FKBP14: variants seen among roughly 807,000 people sequenced by gnomAD.
FKBP14 encodes peptidyl-prolyl cis-trans isomerase FKBP14.
Under a neutral mutation model 21.6 loss-of-function variants are expected in FKBP14, and 20 were observed. The observed-to-expected ratio is 0.92, with a 90% CI of 0.65 to 1.34. The LOEUF is 1.34. FKBP14 is among the 40% of genes most tolerant of loss of function. FKBP14 has a pLI of 0.00. For missense variants in FKBP14, 253 were observed against 249.0 expected (o/e 1.02, Z -0.11); for synonymous variants, 79 against 86.7 (o/e 0.91, Z 0.49).
intron 2 of FKBP14, among the ~76,000 whole-genome samples, chr7:30,020,700 T>C (rs1790008159): frequency 6.6e-6 from 1 of 152,182 alleles, no homozygotes; most frequent in Non-Finnish European, 1.5e-5. Flanking sequence ...ATTTTCAGAC[T>C]GCAGTTGACC....
chr7:30,023,796 G>A lies in FKBP14; in HGVS notation c.198-980C>T, dbSNP rs142601829. 6.6e-5 allele frequency among the ~76,000 whole-genome samples: 10 copies of A among 152,218 alleles called. No individual in the cohort carries two copies. The East Asian group carries it at 9.6e-4, about 15-fold the overall frequency. On this transcript the variant is annotated intron_variant, in intron 1 of 3. Transcript: ENST00000222803. ...GCCTTTTATAAAACCATCAGATCTC[G>A]TGAGACTTATTTACTATCACAAGGA... is the stretch of plus-strand genomic sequence containing the variant.
chr7:30,015,727 G>A (rs1438109066), intron 3 of FKBP14, among the ~76,000 whole-genome samples: 1 of 149,466 alleles, frequency 6.7e-6, no homozygotes. Flanking sequence ...CCGGGTTCAC[G>A]CCATTCTCCT....
chr7:30,009,211 C>T (rs187362295), downstream of FKBP14, among the ~76,000 whole-genome samples: 100 of 151,318 alleles, frequency 6.6e-4, no homozygotes. Flanking sequence ...TTTTTTGTTT[C>T]TCCCTGCATC....
chr7:30,021,189 T>C (rs1790022705), intron 2 of FKBP14, among the ~76,000 whole-genome samples: 1 of 152,234 alleles, frequency 6.6e-6, no homozygotes, highest in Non-Finnish European at 1.5e-5. Flanking sequence ...TAAATATGAT[T>C]CCCAGTATCA....
chr7:30,014,946 G>A (rs1190886714), intron 3 of FKBP14, 53 bp from the exon 4 acceptor site: 13 of 1,276,684 alleles, frequency 1.0e-5, no homozygotes, highest in Non-Finnish European at 1.4e-5. Flanking sequence ...TACCCACATT[G>A]AGCCAATCAA....
At chr7:30,023,262 C>T (rs1398710371) in intron 1 of FKBP14, among the ~76,000 whole-genome samples, 1 of 152,134 alleles carries the variant, frequency 6.6e-6, no homozygotes, top group African/African-American at 2.4e-5. Context: ...GTTATGTTGT[C>T]CCAGGAAGGC....
chr7:30,017,257 G>A (rs1789913218), intron 3 of FKBP14, among the ~76,000 whole-genome samples: 1 of 151,858 alleles, frequency 6.6e-6, no homozygotes, highest in African/African-American at 2.4e-5. Flanking sequence ...GATGTAGGTA[G>A]GAGAAAGACT....
intron 3 of FKBP14, 99 bp from the exon 4 acceptor site, chr7:30,014,992 TTAAC>T (rs1350463883): frequency 3.8e-5 from 26 of 676,900 alleles, no homozygotes; most frequent in Middle Eastern, 5.5e-4. Context: ...ATTTAGTTCA[TTAAC>T]TAAATATAAT....
chr7:30,018,348 ACTT>A (rs1789946230), intron 3 of FKBP14, among the ~76,000 whole-genome samples: 1 of 152,190 alleles, frequency 6.6e-6, no homozygotes, highest in African/African-American at 2.4e-5. Flanking sequence ...ATCTCCCTCC[ACTT>A]CTTTCCCCGC....
chr7:30,010,233 T>A (rs1157453665), downstream of FKBP14, among the ~76,000 whole-genome samples: 1 of 152,160 alleles, frequency 6.6e-6, no homozygotes, highest in East Asian at 1.9e-4. Flanking sequence ...TGTGTCCACC[T>A]GCTACACACG....
In FKBP14 at chr7:30,020,140, C is replaced by T; in HGVS notation, c.350-1017G>A. On this transcript the variant is annotated intron_variant, in intron 2 of 3. Transcript: ENST00000222803. ...AAATATTTCTTAGTCATCCTCCCCC[C>T]ATCCCACATATTTCCATGAAAGAAC... is the stretch of plus-strand genomic sequence containing the variant. 4 of 690,922 alleles carry T rather than the reference C, an allele frequency of 5.8e-6. No individual in the cohort carries two copies. The South Asian group carries it at 7.8e-5, about 14-fold the overall frequency. 42.8% of individuals were successfully genotyped at this position (690,922 alleles called of 1,614,324 possible). A position where few individuals can be genotyped will look rare whatever the true frequency, so the allele number is the denominator to read the frequency against.
intron 2 of FKBP14, among the ~76,000 whole-genome samples, chr7:30,019,605 G>GT (rs1485332130): frequency 2.0e-5 from 3 of 152,066 alleles, no homozygotes; most frequent in Non-Finnish European, 4.4e-5. Flanking sequence ...ATATAATTGA[G>GT]TAAGCTCTGG....
At chr7:30,007,229 T>A (rs1477743572), downstream of FKBP14, among the ~76,000 whole-genome samples, 3 of 113,556 alleles carry the variant, frequency 2.6e-5, no homozygotes, top group Non-Finnish European at 5.5e-5. Context: ...TTTTTTTTTT[T>A]AGACAGAGTC....
chr7:30,010,125 C>T (rs1789687815), downstream of FKBP14, among the ~76,000 whole-genome samples: 1 of 152,146 alleles, frequency 6.6e-6, no homozygotes, highest in Non-Finnish European at 1.5e-5. Context: ...TCATCTGAAT[C>T]AGAAATCATT....
chr7:30,022,047 C>T (rs1366620929), intron 2 of FKBP14, among the ~76,000 whole-genome samples: 1 of 152,034 alleles, frequency 6.6e-6, no homozygotes, highest in African/African-American at 2.4e-5. Context: ...TTTTTAAATA[C>T]ATTGTTAAAA....
downstream of FKBP14, among the ~76,000 whole-genome samples, chr7:30,007,523 C>T (rs1789639168): frequency 1.3e-5 from 2 of 152,110 alleles, no homozygotes; most frequent in South Asian, 4.1e-4. Context: ...AAAATTCTAA[C>T]CCTGGGGAGG....
intron 1 of FKBP14, among the ~76,000 whole-genome samples, chr7:30,023,726 C>T (rs1790097076): frequency 1.3e-5 from 2 of 152,178 alleles, no homozygotes; most frequent in Non-Finnish European, 2.9e-5. Flanking sequence ...GGAGCAAAGG[C>T]ACGTCTTACA....
At chr7:30,018,188 A>C (rs1789943235) in intron 3 of FKBP14, among the ~76,000 whole-genome samples, 1 of 152,208 alleles carries the variant, frequency 6.6e-6, no homozygotes, top group African/African-American at 2.4e-5. Flanking sequence ...GCTGTGGATC[A>C]TGAACCCCTG....
Position 30,019,019 on chromosome 7 carries a change from C to T in FKBP14, c.454G>A (p.Asp152Asn), listed in dbSNP as rs750442266. The T allele has an allele frequency of 5.0e-6, 8 of 1,609,008 alleles. No homozygotes were observed. Among genetic ancestry groups the T allele is most frequent in the Non-Finnish European group, 5.9e-6 (7 of 1,178,442 alleles). ...ACCTCATCTTTAGAGAGTTTCCAGTCATCATTAAGATCCATTTCTTGGAAT... is the reference window on the plus strand; with the variant it reads ...ACCTCATCTTTAGAGAGTTTCCAGTTATCATTAAGATCCATTTCTTGGAAT... ...ESFQEMDLND[D>N]WKLSKDEVKA... is the part of the protein sequence containing the mutation. Residue 152 changes from aspartate to asparagine, a missense_variant, in exon 3 of 4, where the codon GAC becomes AAC. By Grantham distance (23) the Asp-to-Asn change is conservative. Transcript: ENST00000222803.
Sources: gnomAD v4.1 joint callset for allele counts (sites outside exome capture counted in the v4.1 genomes callset) on GRCh38, gnomAD v4.1.1 for gene constraint, MANE v1.5 for transcripts, NCBI Gene and HGNC (gene_info 2026-07-23, HGNC 2026-07-21) for gene names.